Variants in SSPN observed in about 807,000 individuals in gnomAD.
SSPN encodes the protein K-ras oncogene-associated protein.
In SSPN, 15 loss-of-function variants were observed where a neutral mutation model predicts 19.1. The ratio of observed to expected loss-of-function variants is 0.78; its 90% CI spans 0.52 to 1.21. The LOEUF (loss-of-function observed/expected upper bound fraction) is 1.21, where lower values mean the gene tolerates loss of function less well. SSPN is among the 50% of genes most tolerant of loss of function. The probability of loss-of-function intolerance (pLI) is 0.00; values close to 1 mark genes in which losing one functional copy is unlikely to be tolerated. For synonymous variants in SSPN, 147 were observed against 140.3 expected, an observed-to-expected ratio of 1.05 and a Z score of -0.34; for missense variants, 291 against 314.0, an observed-to-expected ratio of 0.93 and a Z score of 0.55.
At chr12:26,150,911 A>G (rs147411020) in intron 1 of SSPN, among the ~76,000 whole-genome samples, 112 of 152,330 alleles carry the variant, frequency 7.4e-4, no homozygotes, top group African/African-American at 2.6e-3. Context: ...GTCTGAAGTC[A>G]CTTGTTTGGC....
chr12:26,196,060 C>G (rs1944826930), intron 1 of SSPN, 109 bp downstream of exon 1: 1 of 961,314 alleles, frequency 1.0e-6, no homozygotes, highest in East Asian at 3.3e-5. Flanking sequence ...CGGGTTCACT[C>G]TTCTAACTCG....
chr12:26,184,317 C>T (rs1025412010), intron 1 of SSPN, among the ~76,000 whole-genome samples: 1 of 152,220 alleles, frequency 6.6e-6, no homozygotes. Flanking sequence ...TTAGTGCTAA[C>T]ACAGTTCCTA....
At chr12:26,177,218 T>C (rs73086950) in intron 1 of SSPN, among the ~76,000 whole-genome samples, 20,331 of 152,214 alleles carry the variant, frequency 0.13, 1,390 homozygotes, top group Middle Eastern at 0.19. Flanking sequence ...GCTACTATTA[T>C]ATTATTATTC....
At chr12:26,143,015 T>C (rs1320317981) in intron 1 of SSPN, among the ~76,000 whole-genome samples, 2 of 152,250 alleles carry the variant, frequency 1.3e-5, no homozygotes, top group Admixed American at 1.3e-4. Flanking sequence ...GTCTAATTAT[T>C]CTACTCCTAG....
At chr12:26,178,180 G>A (rs1944696206) in intron 1 of SSPN, among the ~76,000 whole-genome samples, 1 of 152,210 alleles carries the variant, frequency 6.6e-6, no homozygotes, top group South Asian at 2.1e-4. Context: ...ACAGAGTGTA[G>A]CACTGAAAAG....
At chr12:26,189,514 C>T (rs932714474) in intron 1 of SSPN, among the ~76,000 whole-genome samples, 1 of 152,174 alleles carries the variant, frequency 6.6e-6, no homozygotes, top group Non-Finnish European at 1.5e-5. Flanking sequence ...AGGAACTTAT[C>T]TGATCAAATG....
Position 26,233,207 on chromosome 12 carries a change from C to T in SSPN, c.*2131C>T, listed in dbSNP as rs140946961. The T allele has an allele frequency of 5.3e-4, 81 of 152,074 alleles. 1 individual carries two copies. Among genetic ancestry groups the T allele is most frequent in the African/African-American group, 1.9e-3 (79 of 41,500 alleles). 9.4% of individuals were successfully genotyped at this position (152,074 alleles called of 1,614,324 possible). On this transcript the variant is annotated 3_prime_UTR_variant, in exon 3 of 3. Transcript: ENST00000242729. The surrounding 1 kb of genome is among the most constrained non-coding windows in gnomAD (Gnocchi z 4.3). ...TATCCTTAAGGTGCTCTATGCTTTA[C>T]CAGTAATTCACAGGGTATTTCAAAT...
chr12:26,165,781 G>T (rs1944617046), intron 1 of SSPN, among the ~76,000 whole-genome samples: 1 of 152,154 alleles, frequency 6.6e-6, no homozygotes, highest in Non-Finnish European at 1.5e-5. Flanking sequence ...AAATGCAGAG[G>T]GATTAACGTA....
chr12:26,138,791 A>G (rs1944443272), intron 1 of SSPN, among the ~76,000 whole-genome samples: 1 of 152,034 alleles, frequency 6.6e-6, no homozygotes, highest in Non-Finnish European at 1.5e-5. Context: ...TGTGGGAAGA[A>G]AAAAAAATCA....
chr12:26,201,815 T>C (rs556272278), intron 1 of SSPN, among the ~76,000 whole-genome samples: 1 of 152,328 alleles, frequency 6.6e-6, no homozygotes, highest in Non-Finnish European at 1.5e-5. Context: ...TTAAGTAATA[T>C]TCTCAGGGCC....
chr12:26,154,990 T>C (rs1591852622), intron 1 of SSPN, among the ~76,000 whole-genome samples: 1 of 152,334 alleles, frequency 6.6e-6, no homozygotes, highest in Middle Eastern at 3.4e-3. Context: ...GATAGATTAA[T>C]TTTTATAATG....
chr12:26,181,934 A>G (rs117507276), intron 1 of SSPN, among the ~76,000 whole-genome samples: 4,212 of 152,228 alleles, frequency 0.028, 84 homozygotes, highest in Non-Finnish European at 0.038. Context: ...TTCTCCATGT[A>G]TTTTTGTTAG....
intron 1 of SSPN, among the ~76,000 whole-genome samples, chr12:26,157,887 C>A (rs1944565025): frequency 6.6e-6 from 1 of 152,144 alleles, no homozygotes; most frequent in Admixed American, 6.5e-5. Context: ...GTGCTCATTT[C>A]TCCTTTTAAC....
At chr12:26,171,750 G>T (rs184338935) in intron 1 of SSPN, among the ~76,000 whole-genome samples, 1 of 151,950 alleles carries the variant, frequency 6.6e-6, no homozygotes, top group East Asian at 1.9e-4. Flanking sequence ...AATACAATAA[G>T]TATCAATAGA....
intron 1 of SSPN, among the ~76,000 whole-genome samples, chr12:26,157,583 T>A (rs1047780253): frequency 1.3e-5 from 2 of 152,160 alleles, no homozygotes; most frequent in African/African-American, 4.8e-5. Flanking sequence ...TAAAAAAAAA[T>A]CTGGGAGAAT....
intron 1 of SSPN, among the ~76,000 whole-genome samples, chr12:26,166,034 A>G (rs548882751): frequency 8.5e-5 from 13 of 152,264 alleles, no homozygotes; most frequent in African/African-American, 3.1e-4. Context: ...GTTATCGCAA[A>G]CACCGCATGT....
At position 26,199,813 on chromosome 12, in the gene SSPN, G is replaced by A. The variant is rs116426364; in HGVS notation, c.279+3862G>A. ...CTGTGGAGGGTGTCTGCTGTGCTAC[G>A]CATTGGCCTAAAAATAATGAATCAA... On this transcript the variant is annotated intron_variant, in intron 1 of 2. Coordinates refer to ENST00000242729, the MANE Select transcript of SSPN (RefSeq NM_005086.5). Among the ~76,000 whole-genome samples the A allele has an allele frequency of 5.7e-3, 862 of 152,292 alleles. 12 individuals are homozygous for A. The highest frequency in any genetic ancestry group is 0.02 in the African/African-American group (817 of 41,560).
intron 1 of SSPN, among the ~76,000 whole-genome samples, chr12:26,186,894 T>A (rs1944757584): frequency 6.6e-6 from 1 of 152,218 alleles, no homozygotes. Flanking sequence ...GTAATTGTTT[T>A]CTGAGGCTAA....
chr12:26,157,511 C>T (rs1209876873), intron 1 of SSPN, among the ~76,000 whole-genome samples: 1 of 152,106 alleles, frequency 6.6e-6, no homozygotes, highest in Admixed American at 6.6e-5. Context: ...ATACTGTACT[C>T]ACAATTATCA....
Sources: gnomAD v4.1 joint callset for allele counts (sites outside exome capture counted in the v4.1 genomes callset) on GRCh38, gnomAD v4.1.1 for gene constraint, Gnocchi (gnomAD v3.1) non-coding constraint, MANE v1.5 for transcripts, NCBI Gene and HGNC (gene_info 2026-07-23, HGNC 2026-07-21) for gene names.